XKR6: variants seen among roughly 807,000 people sequenced by gnomAD.
XKR6 encodes XK related 6.
In XKR6, 22 loss-of-function variants were observed where a neutral mutation model predicts 56.7. The ratio of observed to expected loss-of-function variants is 0.39; its 90% CI spans 0.28 to 0.55. The LOEUF is 0.55. XKR6 is among the 20% of genes least tolerant of loss of function. The pLI, the probability that XKR6 is intolerant of heterozygous loss-of-function variation, is 0.66. For synonymous variants in XKR6, 524 were observed against 387.8 expected, an observed-to-expected ratio of 1.35 and a Z score of -4.13; for missense variants, 852 against 889.0, an observed-to-expected ratio of 0.96 and a Z score of 0.53.
intron 1 of XKR6, among the ~76,000 whole-genome samples, chr8:11,123,222 G>C (rs1046908860): frequency 1.4e-5 from 2 of 141,486 alleles, no homozygotes; most frequent in African/African-American, 5.6e-5. Flanking sequence ...GGGTGGCAGA[G>C]TGACTCTGTG....
At chr8:11,056,387 C>T (rs555328821) in intron 1 of XKR6, among the ~76,000 whole-genome samples, 2 of 152,344 alleles carry the variant, frequency 1.3e-5, no homozygotes, top group Admixed American at 6.5e-5. Context: ...TGCTCCAGAA[C>T]GCCGGCAGCG....
intron 2 of XKR6, among the ~76,000 whole-genome samples, chr8:10,906,093 G>T (rs185567443): frequency 6.6e-6 from 1 of 152,318 alleles, no homozygotes; most frequent in Admixed American, 6.5e-5. Context: ...TGAAACCCGA[G>T]ACTATTTCAC....
intron 1 of XKR6, among the ~76,000 whole-genome samples, chr8:11,165,294 T>A (rs1350286288): frequency 6.6e-6 from 1 of 152,010 alleles, no homozygotes; most frequent in Non-Finnish European, 1.5e-5. Context: ...GAGATGGGGT[T>A]TCACCATGTT....
intron 1 of XKR6, among the ~76,000 whole-genome samples, chr8:11,190,645 G>A (rs1294107456): frequency 3.3e-5 from 5 of 152,274 alleles, no homozygotes; most frequent in African/African-American, 1.2e-4. Flanking sequence ...CTAGACATCA[G>A]AGGTCTCAAA....
At chr8:11,163,912 T>C (rs775913565) in intron 1 of XKR6, among the ~76,000 whole-genome samples, 9 of 152,134 alleles carry the variant, frequency 5.9e-5, no homozygotes, top group Non-Finnish European at 1.0e-4. Flanking sequence ...CACTGGAAAA[T>C]ACATGCAGGC....
intron 1 of XKR6, among the ~76,000 whole-genome samples, chr8:11,069,972 A>T (rs1480857602): frequency 2.0e-5 from 3 of 152,154 alleles, no homozygotes; most frequent in Non-Finnish European, 4.4e-5. Flanking sequence ...CTGCCTCATG[A>T]CTTCCGCCCT....
intron 1 of XKR6, among the ~76,000 whole-genome samples, chr8:11,017,297 A>C (rs752162211): frequency 5.3e-5 from 8 of 152,174 alleles, no homozygotes; most frequent in Non-Finnish European, 1.2e-4. Flanking sequence ...GACAACCCGG[A>C]CCCCAGGCTG....
At chr8:10,934,839 G>T (rs1489842684) in intron 1 of XKR6, among the ~76,000 whole-genome samples, 2 of 149,662 alleles carry the variant, frequency 1.3e-5, no homozygotes, top group Admixed American at 6.6e-5. Flanking sequence ...ATGTTCATCA[G>T]GGATATTGGT....
At chr8:11,030,241 C>T (rs1798961312) in intron 1 of XKR6, among the ~76,000 whole-genome samples, 1 of 152,220 alleles carries the variant, frequency 6.6e-6, no homozygotes, top group African/African-American at 2.4e-5. Flanking sequence ...CTGCCCTCAT[C>T]CTCCTTCCCT....
intron 1 of XKR6, among the ~76,000 whole-genome samples, chr8:10,982,126 A>G (rs997206151): frequency 6.6e-6 from 1 of 152,240 alleles, no homozygotes; most frequent in African/African-American, 2.4e-5. Context: ...ACACACGTCA[A>G]CTCAACCCTT....
At chr8:10,958,888 A>G (rs1052541103) in intron 1 of XKR6, among the ~76,000 whole-genome samples, 7 of 152,226 alleles carry the variant, frequency 4.6e-5, no homozygotes, top group African/African-American at 1.7e-4. Flanking sequence ...GCTCTGAGGG[A>G]GCAGCAGCAA....
At chr8:11,116,521 T>A (rs1355390952) in intron 1 of XKR6, among the ~76,000 whole-genome samples, 1 of 152,020 alleles carries the variant, frequency 6.6e-6, no homozygotes, top group African/African-American at 2.4e-5. Context: ...CAGGGGCCCA[T>A]CGCCACACCT....
At chr8:11,065,335 T>C (rs994545047) in intron 1 of XKR6, among the ~76,000 whole-genome samples, 59 of 152,218 alleles carry the variant, frequency 3.9e-4, no homozygotes, top group African/African-American at 1.3e-3. Context: ...CCTTATTCTT[T>C]AGAAAAACTC....
chr8:11,119,893 A>G (rs1026980888), intron 1 of XKR6, among the ~76,000 whole-genome samples: 1 of 152,242 alleles, frequency 6.6e-6, no homozygotes, highest in Admixed American at 6.5e-5. Context: ...ACGAAAATCA[A>G]TAAACGTAAT....
At chr8:10,899,413 G>C (rs553478130) in intron 2 of XKR6, among the ~76,000 whole-genome samples, 2 of 152,202 alleles carry the variant, frequency 1.3e-5, no homozygotes, top group Admixed American at 1.3e-4. Context: ...CTGGAATCAT[G>C]CTTCTGCCTT....
At chr8:11,011,438 G>C (rs977310406) in intron 1 of XKR6, among the ~76,000 whole-genome samples, 1 of 152,236 alleles carries the variant, frequency 6.6e-6, no homozygotes. Flanking sequence ...ACCAGGCTGA[G>C]GAGGGTCCTG....
chr8:11,170,110 C>T (rs1802293906), intron 1 of XKR6, among the ~76,000 whole-genome samples: 1 of 152,124 alleles, frequency 6.6e-6, no homozygotes, highest in African/African-American at 2.4e-5. Flanking sequence ...AAGAATAAAT[C>T]AGAGTGCTAA....
chr8:10,937,867 C>T (rs1384087597), intron 1 of XKR6, among the ~76,000 whole-genome samples: 4 of 152,094 alleles, frequency 2.6e-5, no homozygotes, highest in Non-Finnish European at 5.9e-5. Flanking sequence ...TGTCTGTGCC[C>T]TGCCCCCAGA....
chr8:10,917,207 A>T (rs954543402), intron 2 of XKR6, among the ~76,000 whole-genome samples: 2 of 152,136 alleles, frequency 1.3e-5, no homozygotes, highest in African/African-American at 4.8e-5. Context: ...GCTCAACTGC[A>T]GGCCCAGGGT....
Sources: gnomAD v4.1 joint callset for allele counts (sites outside exome capture counted in the v4.1 genomes callset) on GRCh38, gnomAD v4.1.1 for gene constraint, MANE v1.5 for transcripts, NCBI Gene and HGNC (gene_info 2026-07-23, HGNC 2026-07-21) for gene names.